ABCB11: variants seen among roughly 807,000 people sequenced by gnomAD.
The protein encoded by ABCB11 is ATP binding cassette subfamily B member 11, also known as bile salt export pump.
In ABCB11, 95 loss-of-function variants were observed where a neutral mutation model predicts 148.0. The observed-to-expected ratio is 0.64, with a 90% CI of 0.54 to 0.76. ABCB11 has a LOEUF of 0.76. Ranked by LOEUF, ABCB11 falls within the 30% of genes least tolerant of loss-of-function variation. The pLI is 0.00. For synonymous variants in ABCB11, 591 were observed against 555.4 expected (o/e 1.06, Z -0.90); for missense variants, 1,523 against 1,617.8 (o/e 0.94, Z 1.01).
intron 13 of ABCB11, 83 bp downstream of exon 13, chr2:168,973,632 G>T: frequency 6.6e-7 from 1 of 1,521,848 alleles, no homozygotes; most frequent in Non-Finnish European, 9.0e-7. Context: ...CTCAATGTAT[G>T]CTACACCTTT....
downstream of ABCB11, among the ~76,000 whole-genome samples, chr2:168,915,879 G>T (rs1013852668): frequency 6.6e-6 from 1 of 152,170 alleles, no homozygotes; most frequent in South Asian, 2.1e-4. Context: ...ATAGAGGAAA[G>T]CAAAAGAAAA....
At chr2:168,917,134 T>C (rs961373293), downstream of ABCB11, among the ~76,000 whole-genome samples, 2 of 152,176 alleles carry the variant, frequency 1.3e-5, no homozygotes, top group African/African-American at 2.4e-5. Flanking sequence ...AATCTTTTCA[T>C]TGAAATAATT....
At chr2:168,929,172 A>G (rs1691453210) in intron 25 of ABCB11, among the ~76,000 whole-genome samples, 1 of 152,176 alleles carries the variant, frequency 6.6e-6, no homozygotes, top group Non-Finnish European at 1.5e-5. Flanking sequence ...TCTATGAACT[A>G]TTTCTTAGAA....
intron 18 of ABCB11, among the ~76,000 whole-genome samples, chr2:168,962,499 G>T (rs370737159): frequency 6.6e-6 from 1 of 151,512 alleles, no homozygotes; most frequent in Admixed American, 6.6e-5. Flanking sequence ...CTACACCTAC[G>T]CTAGGTCCTC....
intron 10 of ABCB11, among the ~76,000 whole-genome samples, chr2:168,981,145 C>T (rs886137197): frequency 6.6e-6 from 1 of 152,156 alleles, no homozygotes; most frequent in East Asian, 1.9e-4. Context: ...TGAGTCTCTC[C>T]TGCTTCTCTT....
chr2:168,961,432 T>C (rs1177763285), intron 18 of ABCB11, among the ~76,000 whole-genome samples: 1 of 151,698 alleles, frequency 6.6e-6, no homozygotes, highest in Non-Finnish European at 1.5e-5. Flanking sequence ...TGATAGCCAT[T>C]TTTATGGGTC....
chr2:168,997,661 A>G (rs13414957), intron 5 of ABCB11, among the ~76,000 whole-genome samples: 8,000 of 151,974 alleles, frequency 0.053, 705 homozygotes, highest in African/African-American at 0.18. Flanking sequence ...TTCATCCTAC[A>G]TCCTTTCCGC....
rs949674487 is a variant in ABCB11, at chr2:168,922,214, A to C, written c.*1408T>G. Among the ~76,000 whole-genome samples, 1 of 152,096 alleles carries C rather than the reference A, an allele frequency of 6.6e-6. No individual in the cohort carries two copies. Among genetic ancestry groups the C allele is most frequent in the African/African-American group, 2.4e-5 (1 of 41,428 alleles). ...ATTCTTCAATCTCCTGCCAGAAGAG[A>C]GGGGCTGGGAGTTCTTCTGTTCATA... On this transcript the variant is annotated 3_prime_UTR_variant, in exon 28 of 28. Transcript: ENST00000650372.
intron 19 of ABCB11, among the ~76,000 whole-genome samples, chr2:168,945,387 G>T (rs571179695): frequency 1.3e-5 from 2 of 151,820 alleles, no homozygotes; most frequent in Non-Finnish European, 2.9e-5. Context: ...TCTGTGGGGC[G>T]GAAAACCTGG....
chr2:168,946,268 A>C (rs891830598), intron 19 of ABCB11, among the ~76,000 whole-genome samples: 26 of 151,890 alleles, frequency 1.7e-4, no homozygotes, highest in African/African-American at 6.3e-4. Flanking sequence ...TAGTTGTTCA[A>C]AGGAGACCAT....
At chr2:169,019,484 T>C (rs1268472704) in intron 1 of ABCB11, among the ~76,000 whole-genome samples, 21 of 152,156 alleles carry the variant, frequency 1.4e-4, no homozygotes. Context: ...TACCAAAATT[T>C]GCATATACCA....
intron 5 of ABCB11, among the ~76,000 whole-genome samples, chr2:169,011,493 A>G (rs1026643056): frequency 1.3e-5 from 2 of 152,212 alleles, no homozygotes; most frequent in African/African-American, 4.8e-5. Context: ...AGAAACATAC[A>G]TATTTAGACA....
intron 1 of ABCB11, among the ~76,000 whole-genome samples, chr2:169,024,697 T>C (rs1695641842): frequency 6.6e-6 from 1 of 152,164 alleles, no homozygotes; most frequent in Admixed American, 6.5e-5. Context: ...GGATACCAAG[T>C]TTATAATGTT....
chr2:169,006,831 T>C (rs1194399612), intron 5 of ABCB11, among the ~76,000 whole-genome samples: 4 of 152,196 alleles, frequency 2.6e-5, no homozygotes, highest in Non-Finnish European at 2.9e-5. Context: ...ATAAAATACG[T>C]AGCAATCAAT....
At chr2:168,969,941 T>C (rs1693497917) in intron 15 of ABCB11, 104 bp downstream of exon 15, 3 of 1,056,376 alleles carry the variant, frequency 2.8e-6, no homozygotes, top group Non-Finnish European at 4.4e-6. Context: ...ACCCATGTAG[T>C]ATCAACTACT....
intron 23 of ABCB11, among the ~76,000 whole-genome samples, chr2:168,933,108 C>CAAAA (rs61264551): frequency 1.8e-5 from 2 of 112,240 alleles, no homozygotes; most frequent in Admixed American, 9.2e-5. Context: ...GACTCCGTCT[C>CAAAA]AAAAAAAAAA....
In ABCB11 at chr2:168,921,762, C is replaced by T. The variant is rs1691080451; in HGVS notation, c.*1860G>A. On this transcript the variant is annotated 3_prime_UTR_variant, in exon 28 of 28. Transcript: ENST00000650372. ...TGGGGAAGCTCTGATCGAGTGGGTG[C>T]TTGTTGGTTGACAGGTGGGCTTCAT... is the stretch of plus-strand genomic sequence containing the variant. Among the ~76,000 whole-genome samples the T allele has an allele frequency of 6.6e-6, 1 of 151,562 alleles. No homozygotes were observed.
intron 22 of ABCB11, 136 bp from the exon 23 acceptor site, chr2:168,935,561 A>G (rs1691782576): frequency 1.6e-6 from 2 of 1,223,176 alleles, no homozygotes; most frequent in Admixed American, 4.6e-5. Flanking sequence ...CTGGGAATAC[A>G]AAGACGTGGC....
intron 5 of ABCB11, among the ~76,000 whole-genome samples, chr2:168,998,658 T>G (rs1229967518): frequency 6.6e-6 from 1 of 152,096 alleles, no homozygotes; most frequent in Non-Finnish European, 1.5e-5. Context: ...GCGGAAGTGA[T>G]GAAGCGACTG....
Sources: allele counts gnomAD v4.1 joint callset (sites outside exome capture counted in the v4.1 genomes callset), GRCh38; gene constraint gnomAD v4.1.1; transcripts MANE v1.5; gene names NCBI Gene and HGNC (gene_info 2026-07-23, HGNC 2026-07-21).